Variants in CDK13 observed in about 807,000 individuals in gnomAD.
CDK13 encodes cyclin-dependent kinase 13.
In CDK13, 40 loss-of-function variants were observed where a neutral mutation model predicts 137.6. The ratio of observed to expected loss-of-function variants is 0.29; its 90% CI spans 0.23 to 0.38. The LOEUF (loss-of-function observed/expected upper bound fraction) is 0.38. CDK13 is among the 10% of genes least tolerant of loss of function. The pLI is 1.00. For missense variants in CDK13, 1,704 were observed against 1,951.8 expected, an observed-to-expected ratio of 0.87 and a Z score of 2.39; for synonymous variants, 869 against 760.1, an observed-to-expected ratio of 1.14 and a Z score of -2.36.
At chr7:39,978,786 A>G (rs1049951930) in intron 1 of CDK13, among the ~76,000 whole-genome samples, 3 of 152,192 alleles carry the variant, frequency 2.0e-5, no homozygotes, top group Non-Finnish European at 2.9e-5. Context: ...CTGCCTGTCT[A>G]TGGACTACAC....
intron 5 of CDK13, among the ~76,000 whole-genome samples, chr7:40,010,279 A>C (rs1784868415): frequency 2.0e-5 from 3 of 152,082 alleles, no homozygotes. Context: ...TAGATCCCTC[A>C]CATGCACAGT....
rs577307727 is a variant in CDK13, at chr7:40,093,520, T to C, written c.3688+283T>C. Among the ~76,000 whole-genome samples the C allele has an allele frequency of 2.2e-4, 34 of 152,306 alleles. 1 individual carries two copies. Among genetic ancestry groups the C allele is most frequent in the Admixed American group, 2.1e-3 (32 of 15,294 alleles). On this transcript the variant is annotated intron_variant, in intron 13 of 13. Coordinates refer to ENST00000181839, the MANE Select transcript of CDK13 (RefSeq NM_003718.5). ...TTAACTCCAAATACGAAAGGATGCTTGACTAAGGCATAATTTATGTACACA... is the reference window on the plus strand; with the variant it reads ...TTAACTCCAAATACGAAAGGATGCTCGACTAAGGCATAATTTATGTACACA...
chr7:40,060,017 C>T (rs576362017), intron 7 of CDK13, among the ~76,000 whole-genome samples: 1 of 152,210 alleles, frequency 6.6e-6, no homozygotes, highest in Admixed American at 6.5e-5. Context: ...AAATATATTT[C>T]ATGTGGTTTT....
intron 5 of CDK13, among the ~76,000 whole-genome samples, chr7:40,012,143 A>G (rs1365226982): frequency 6.6e-6 from 1 of 152,184 alleles, no homozygotes; most frequent in Non-Finnish European, 1.5e-5. Context: ...CAACAACAAA[A>G]AAAACCCTAG....
At chr7:39,973,750 T>C (rs1583928422) in intron 1 of CDK13, among the ~76,000 whole-genome samples, 1 of 152,218 alleles carries the variant, frequency 6.6e-6, no homozygotes, top group Non-Finnish European at 1.5e-5. Context: ...CCATTTTCAG[T>C]TAGTTTTTTG....
intron 1 of CDK13, among the ~76,000 whole-genome samples, chr7:39,959,685 G>C (rs1188538374): frequency 1.3e-5 from 2 of 151,980 alleles, no homozygotes; most frequent in East Asian, 3.8e-4. Context: ...GGCTGGTCTC[G>C]AACTCTTGAG....
At chr7:40,045,464 C>G (rs543513826) in intron 5 of CDK13, among the ~76,000 whole-genome samples, 1 of 121,578 alleles carries the variant, frequency 8.2e-6, no homozygotes, top group East Asian at 2.3e-4. Context: ...AAAAGCAGTT[C>G]TTTTACCAAC....
intron 1 of CDK13, among the ~76,000 whole-genome samples, chr7:39,971,672 C>G (rs1488817243): frequency 1.3e-5 from 2 of 149,720 alleles, no homozygotes; most frequent in Non-Finnish European, 3.0e-5. Flanking sequence ...ATCACGAGGT[C>G]AGGAGTTCGA....
In CDK13 at chr7:39,951,816, G is replaced by A. The variant is rs758252462; in HGVS notation, c.1175G>A (p.Trp392Ter). ...VSPSPYSSSS[W>*]RRSRSPYSPV... ...CCTAGTCCCTACAGCAGCAGCAGCT[G>A]GCGCCGCTCTCGCAGTCCCTACAGC... The change falls in exon 1 of 14, where the codon TGG becomes TAG. Residue 392 changes from tryptophan (W) to a stop codon, truncating the protein, a stop_gained. Coordinates refer to ENST00000181839, the MANE Select transcript of CDK13 (RefSeq NM_003718.5). LOFTEE classifies it high-confidence loss of function. 6.9e-7 allele frequency: 1 copy of A among 1,453,878 alleles called. No homozygotes were observed. The highest frequency in any genetic ancestry group is 9.0e-7 in the Non-Finnish European group (1 of 1,112,462). 90.1% of individuals were successfully genotyped at this position (1,453,878 alleles called of 1,614,324 possible).
chr7:40,058,625 T>C (rs1038046854), intron 7 of CDK13, among the ~76,000 whole-genome samples: 1 of 151,876 alleles, frequency 6.6e-6, no homozygotes, highest in African/African-American at 2.4e-5. Context: ...AGTTAAGATA[T>C]TGTTGTGGTC....
intron 1 of CDK13, chr7:39,984,300 A>G (rs979995888): frequency 6.6e-6 from 1 of 151,900 alleles, no homozygotes; most frequent in South Asian, 2.1e-4. Context: ...TGTCCCAGCT[A>G]CTCAGGAAGC....
rs1391445014 is a variant in CDK13, at chr7:39,971,575, CA to C, written c.1212-16023del. On this transcript the variant is annotated intron_variant, in intron 1 of 13. Transcript: ENST00000181839. ...TGTATTTTCTAGCAAACTATTCCTT[CA>C]GCATAAATTGCTTTGGATTAAAAAA... is the stretch of plus-strand genomic sequence containing the variant. 2.0e-5 allele frequency among the ~76,000 whole-genome samples: 3 copies of C among 151,358 alleles called. No individual in the cohort carries two copies. In the East Asian group the frequency reaches 5.9e-4, roughly 30 times the overall value.
intron 13 of CDK13, among the ~76,000 whole-genome samples, chr7:40,093,590 C>T (rs562921282): frequency 2.0e-5 from 3 of 152,238 alleles, no homozygotes; most frequent in South Asian, 2.1e-4. Context: ...GAATTCTGCA[C>T]CTAGCCGTAA....
At chr7:40,053,127 G>A (rs1785930038) in intron 7 of CDK13, among the ~76,000 whole-genome samples, 2 of 152,170 alleles carry the variant, frequency 1.3e-5, no homozygotes, top group Middle Eastern at 3.4e-3. Context: ...ATATAAAGTG[G>A]AAAGAATTCC....
Position 39,997,595 on chromosome 7 carries a change from G to C in CDK13, c.1973G>C (p.Gly658Ala). Residue 658 changes from glycine to alanine, a missense_variant, in exon 3 of 14, where the codon GGA becomes GCA. Transcript: ENST00000181839. ...CCGCTGCCCCCTGAGCTACCAGGAG[G>C]AGATGATCTTTCAAAGAGTCCAGAG... Reference protein sequence around the residue: ...DLPLPPELPGGDDLSKSPEEK... With the variant: ...DLPLPPELPGADDLSKSPEEK... The C allele has an allele frequency of 1.2e-6, 2 of 1,612,996 alleles. No individual in the cohort carries two copies. Among genetic ancestry groups the C allele is most frequent in the Non-Finnish European group, 1.7e-6 (2 of 1,179,690 alleles).
intron 5 of CDK13, among the ~76,000 whole-genome samples, chr7:40,007,442 T>C (rs567018903): frequency 5.9e-5 from 9 of 152,344 alleles, no homozygotes; most frequent in African/African-American, 2.2e-4. Flanking sequence ...TTGTTTTTGT[T>C]TTGAGACGGA....
At chr7:40,059,843 T>C (rs771073538) in intron 7 of CDK13, among the ~76,000 whole-genome samples, 4 of 152,252 alleles carry the variant, frequency 2.6e-5, no homozygotes, top group African/African-American at 4.8e-5. Context: ...TTCCATATTT[T>C]TGAAATTACA....
rs17537887 is a variant in CDK13, at chr7:40,000,737, T to C, written c.2183-1124T>C. On this transcript the variant is annotated intron_variant, in intron 4 of 13. Transcript: ENST00000181839. ...AAGTAAAACGGACTCATACACAATATAGAAGGCATTCCATAAAAATTAATA... is the reference window on the plus strand; with the variant it reads ...AAGTAAAACGGACTCATACACAATACAGAAGGCATTCCATAAAAATTAATA... Among the ~76,000 whole-genome samples the C allele has an allele frequency of 2.6e-3, 397 of 152,326 alleles. 2 individuals are homozygous for C. Among genetic ancestry groups the C allele is most frequent in the Middle Eastern group, 6.8e-3 (2 of 294 alleles).
At chr7:40,031,458 G>C (rs916199019) in intron 5 of CDK13, among the ~76,000 whole-genome samples, 1 of 151,900 alleles carries the variant, frequency 6.6e-6, no homozygotes, top group African/African-American at 2.4e-5. Context: ...GGGGGCAGAG[G>C]CTGCAGTGAG....
Sources: allele counts gnomAD v4.1 joint callset (sites outside exome capture counted in the v4.1 genomes callset), GRCh38; gene constraint gnomAD v4.1.1; transcripts MANE v1.5; gene names NCBI Gene and HGNC (gene_info 2026-07-23, HGNC 2026-07-21).